PTPRN2: variants seen among roughly 807,000 people sequenced by gnomAD.
PTPRN2 encodes the protein receptor-type tyrosine-protein phosphatase N2.
Under a neutral mutation model 118.8 loss-of-function variants are expected in PTPRN2, and 74 were observed. The ratio of observed to expected loss-of-function variants is 0.62; its 90% confidence interval spans 0.52 to 0.76. The LOEUF (loss-of-function observed/expected upper bound fraction) is 0.76, where lower values mean the gene tolerates loss of function less well. Ranked by LOEUF, PTPRN2 falls within the 30% of genes least tolerant of loss-of-function variation. The pLI is 0.00. For missense variants in PTPRN2, 1,481 were observed against 1,394.4 expected (o/e 1.06, Z -0.99); for synonymous variants, 641 against 608.0 (o/e 1.05, Z -0.80).
rs1304569729 is a variant in PTPRN2 at position 157,685,897 on chromosome 7, C to A, written c.1789-2960G>T. On this transcript the variant is annotated intron_variant, in intron 12 of 22. Coordinates refer to ENST00000389418, the MANE Select transcript of PTPRN2 (RefSeq NM_002847.5). ...CCCGGCTCCCTGCTGCCTAGGCCCG[C>A]GCTGTCCCAGCAGAGGAGGGGTGGG... 5.3e-5 allele frequency among the ~76,000 whole-genome samples: 8 copies of A among 152,254 alleles called. No homozygotes were observed. In the East Asian group the frequency reaches 1.4e-3, roughly 26 times the overall value.
chr7:158,025,525 A>G (rs1040497014), intron 11 of PTPRN2, among the ~76,000 whole-genome samples: 13 of 152,312 alleles, frequency 8.5e-5, no homozygotes, highest in Admixed American at 2.6e-4. Flanking sequence ...ACAACTGCTT[A>G]TATGTGACAA....
rs547571515 is a variant in PTPRN2 at position 158,420,954 on chromosome 7, T to C, written c.163+68781A>G. ...GGGTTCCAACAGGGCCTGACAGAGATGTCCAATTCCAGGGATCACCTTCCC... is the reference window on the plus strand; with the variant it reads ...GGGTTCCAACAGGGCCTGACAGAGACGTCCAATTCCAGGGATCACCTTCCC... On this transcript the variant is annotated intron_variant, in intron 2 of 22. Transcript: ENST00000389418. 1.2e-3 allele frequency among the ~76,000 whole-genome samples: 189 copies of C among 152,316 alleles called. 1 individual carries two copies. Among genetic ancestry groups the C allele is most frequent in the Non-Finnish European group, 1.6e-3 (112 of 68,020 alleles).
At position 158,570,133 on chromosome 7, in the gene PTPRN2, C is replaced by T. The variant is rs74714314; in HGVS notation, c.112+17425G>A. On this transcript the variant is annotated intron_variant, in intron 1 of 22. Transcript: ENST00000389418. This position sits in a 1 kb window ranked among gnomAD's most constrained non-coding sequence, Gnocchi z 4.5. ...GGCTGAGATCGGGCCCCAGGCTCTC[C>T]GCGGAGCCGTCTCCAACCCCTGCAG... Among the ~76,000 whole-genome samples the T allele has an allele frequency of 4.7e-3, 710 of 152,266 alleles. 9 individuals carry two copies. Among genetic ancestry groups the T allele is most frequent in the African/African-American group, 0.016 (653 of 41,570 alleles).
chr7:158,088,015 G>A (rs76717389), intron 10 of PTPRN2, among the ~76,000 whole-genome samples: 70 of 72,336 alleles, frequency 9.7e-4, no homozygotes, highest in South Asian at 1.4e-3. Context: ...CTGAGGAAAG[G>A]GGGAGTCTTC....
chr7:157,658,019 C>T (rs562620262), intron 13 of PTPRN2, among the ~76,000 whole-genome samples: 12 of 148,368 alleles, frequency 8.1e-5, no homozygotes, highest in Non-Finnish European at 9.1e-5. Flanking sequence ...CACATACACA[C>T]ATCACAGACA....
intron 4 of PTPRN2, among the ~76,000 whole-genome samples, chr7:158,204,742 A>G (rs141325584): frequency 9.8e-5 from 15 of 152,324 alleles, no homozygotes; most frequent in African/African-American, 3.6e-4. Flanking sequence ...CATAGTTTTG[A>G]GTACAAAATA....
At chr7:158,518,307 T>G (rs1823721505) in intron 1 of PTPRN2, among the ~76,000 whole-genome samples, 1 of 151,838 alleles carries the variant, frequency 6.6e-6, no homozygotes. Flanking sequence ...ACGATACGGA[T>G]TTCACGGGGT....
chr7:158,562,405 A>G (rs1023963791), intron 1 of PTPRN2, among the ~76,000 whole-genome samples: 4 of 152,140 alleles, frequency 2.6e-5, no homozygotes, highest in Admixed American at 6.5e-5. Flanking sequence ...GTTTCAACAC[A>G]TGCACTTGCG....
chr7:157,741,729 C>T (rs1800644272), intron 12 of PTPRN2, among the ~76,000 whole-genome samples: 1 of 152,206 alleles, frequency 6.6e-6, no homozygotes, highest in African/African-American at 2.4e-5. Context: ...AAACCATAGT[C>T]TCTGTGGCCC....
chr7:157,953,037 G>A lies in PTPRN2; in HGVS notation c.1724-54300C>T, dbSNP rs962232334. Among the ~76,000 whole-genome samples the A allele has an allele frequency of 6.6e-6, 1 of 152,082 alleles. No individual in the cohort carries two copies. The highest frequency in any genetic ancestry group is 1.9e-4 in the East Asian group (1 of 5,164). On this transcript the variant is annotated intron_variant, in intron 11 of 22. Transcript: ENST00000389418. This position sits in a 1 kb window ranked among gnomAD's most constrained non-coding sequence, Gnocchi z 4.6. Reference sequence around the variant, plus strand: ...CAGGAGCCACCTGACCACAGGGTGAGCTGTCCAGTGCCAGGAACCACCTGA... The same window carrying A: ...CAGGAGCCACCTGACCACAGGGTGAACTGTCCAGTGCCAGGAACCACCTGA...
chr7:158,276,854 G>A (rs1586097349), intron 3 of PTPRN2, among the ~76,000 whole-genome samples: 1 of 152,210 alleles, frequency 6.6e-6, no homozygotes, highest in Non-Finnish European at 1.5e-5. Context: ...GGAGGCAGGG[G>A]CGGAGGGTGC....
intron 10 of PTPRN2, among the ~76,000 whole-genome samples, chr7:158,107,513 A>G (rs1175326426): frequency 6.6e-6 from 1 of 152,044 alleles, no homozygotes; most frequent in Non-Finnish European, 1.5e-5. Flanking sequence ...TCTGGGAACA[A>G]CAGGCCCTCC....
At chr7:157,551,470 C>T (rs1416543719) in intron 21 of PTPRN2, among the ~76,000 whole-genome samples, 2 of 151,988 alleles carry the variant, frequency 1.3e-5, no homozygotes, top group African/African-American at 4.8e-5. Context: ...CACCATGTAC[C>T]CCACAGACAC....
intron 2 of PTPRN2, among the ~76,000 whole-genome samples, chr7:158,387,477 G>A (rs376381009): frequency 1.4e-4 from 22 of 152,402 alleles, no homozygotes; most frequent in South Asian, 4.1e-4. Flanking sequence ...AGCCAAGGGC[G>A]CATTTACAAG....
intron 2 of PTPRN2, among the ~76,000 whole-genome samples, chr7:158,390,310 C>T (rs186576326): frequency 1.1e-4 from 16 of 152,340 alleles, no homozygotes; most frequent in Non-Finnish European, 1.8e-4. Context: ...GCAATGAACT[C>T]GACTAAGAAG....
At chr7:157,696,024 G>A in intron 12 of PTPRN2, among the ~76,000 whole-genome samples, 1 of 146,662 alleles carries the variant, frequency 6.8e-6, no homozygotes, top group African/African-American at 2.5e-5. Flanking sequence ...TCTTGGCAGA[G>A]CCCTCACCAT....
intron 6 of PTPRN2, among the ~76,000 whole-genome samples, chr7:158,138,791 C>G (rs1482910896): frequency 6.6e-6 from 1 of 152,222 alleles, no homozygotes; most frequent in Non-Finnish European, 1.5e-5. Context: ...ATGGAAAGCA[C>G]AGCTTCCAGA....
chr7:157,584,636 C>T (rs1043510835), intron 17 of PTPRN2, among the ~76,000 whole-genome samples: 2 of 152,238 alleles, frequency 1.3e-5, no homozygotes, highest in African/African-American at 4.8e-5. Context: ...CATTTCTGCT[C>T]ATTTCTGTTG....
chr7:158,524,041 G>C (rs1824539777), intron 1 of PTPRN2, among the ~76,000 whole-genome samples: 2 of 105,504 alleles, frequency 1.9e-5, no homozygotes, highest in Non-Finnish European at 3.7e-5. Flanking sequence ...CTGGAGTGGA[G>C]TCTGCCCTGG....
Sources: allele counts gnomAD v4.1 joint callset (sites outside exome capture counted in the v4.1 genomes callset), GRCh38; gene constraint gnomAD v4.1.1; non-coding constraint Gnocchi (gnomAD v3.1); transcripts MANE v1.5; gene names NCBI Gene and HGNC (gene_info 2026-07-23, HGNC 2026-07-21).